The following GRM7 variants were observed in gnomAD, a reference collection of about 807,000 sequenced individuals.
GRM7 encodes glutamate metabotropic receptor 7.
A neutral mutation model predicts 84.5 loss-of-function variants in GRM7; 35 were observed. That is an observed-to-expected ratio of 0.41 (90% CI 0.32 to 0.55). The LOEUF is 0.55. Among genes scored for constraint, GRM7 ranks in the 20% least tolerant of loss-of-function variants. The pLI is 0.19. For synonymous variants in GRM7, 487 were observed against 455.1 expected, an observed-to-expected ratio of 1.07 and a Z score of -0.89; for missense variants, 1,003 against 1,194.6, an observed-to-expected ratio of 0.84 and a Z score of 2.36.
intron 4 of GRM7, among the ~76,000 whole-genome samples, chr3:7,413,658 G>A (rs1043951853): frequency 2.0e-5 from 3 of 152,064 alleles, no homozygotes; most frequent in Non-Finnish European, 4.4e-5. Flanking sequence ...TGATTGTTTT[G>A]CTCTTCTACC....
intron 8 of GRM7, among the ~76,000 whole-genome samples, chr3:7,666,961 A>G (rs1462459883): frequency 6.6e-6 from 1 of 152,136 alleles, no homozygotes; most frequent in Non-Finnish European, 1.5e-5. Flanking sequence ...TTGCACAGCG[A>G]ATGCCCTATT....
At chr3:7,380,762 C>A (rs1694557263) in intron 4 of GRM7, among the ~76,000 whole-genome samples, 1 of 152,214 alleles carries the variant, frequency 6.6e-6, no homozygotes, top group Non-Finnish European at 1.5e-5. Context: ...GTCCTCTGCA[C>A]TCTGCCAGGT....
intron 1 of GRM7, among the ~76,000 whole-genome samples, chr3:6,972,572 A>G (rs1323766974): frequency 2.0e-5 from 3 of 152,152 alleles, no homozygotes; most frequent in African/African-American, 7.2e-5. Flanking sequence ...CGAGATTTAG[A>G]TACTAATGTC....
chr3:7,191,893 T>C (rs775050535), intron 2 of GRM7, among the ~76,000 whole-genome samples: 3 of 152,106 alleles, frequency 2.0e-5, no homozygotes, highest in Non-Finnish European at 4.4e-5. Flanking sequence ...ATAAATTTTA[T>C]AAAACCTATC....
intron 9 of GRM7, among the ~76,000 whole-genome samples, chr3:7,699,208 A>C (rs1701130968): frequency 6.6e-6 from 1 of 152,212 alleles, no homozygotes; most frequent in South Asian, 2.1e-4. Flanking sequence ...GAAAGATTCT[A>C]CATCTAGGGA....
intron 7 of GRM7, among the ~76,000 whole-genome samples, chr3:7,515,846 A>C (rs2124983127): frequency 6.6e-6 from 1 of 152,236 alleles, no homozygotes; most frequent in East Asian, 1.9e-4. Flanking sequence ...GGCTGATATA[A>C]AAATGAAATG....
In GRM7 at chr3:7,711,584, C is replaced by T. The variant is rs150133767; in HGVS notation, c.2699-28773C>T. On this transcript the variant is annotated intron_variant, in intron 9 of 9. Transcript: ENST00000357716. ...GTAACATGACCTAAGCCACCTCTAA[C>T]TCCCGTTATAGCATTTCTCAAAGGC... Among the ~76,000 whole-genome samples, 409 of 152,320 alleles carry T rather than the reference C, an allele frequency of 2.7e-3. 3 individuals are homozygous for T. Among genetic ancestry groups the T allele is most frequent in the African/African-American group, 9.3e-3 (386 of 41,578 alleles).
At chr3:7,105,667 C>A (rs1434451331) in intron 1 of GRM7, among the ~76,000 whole-genome samples, 1 of 151,816 alleles carries the variant, frequency 6.6e-6, no homozygotes, top group Non-Finnish European at 1.5e-5. Context: ...TTACCATATT[C>A]ACTTTCCCTT....
intron 6 of GRM7, among the ~76,000 whole-genome samples, chr3:7,456,927 G>C (rs1287035462): frequency 6.6e-6 from 1 of 152,050 alleles, no homozygotes; most frequent in Non-Finnish European, 1.5e-5. Context: ...AAAAAAACTT[G>C]ACATGTTTTA....
chr3:6,898,341 G>A (rs1020394055), intron 1 of GRM7, among the ~76,000 whole-genome samples: 2 of 150,606 alleles, frequency 1.3e-5, no homozygotes, highest in Admixed American at 6.6e-5. Flanking sequence ...AGTAGGGATT[G>A]GTGAGAGACC....
intron 1 of GRM7, among the ~76,000 whole-genome samples, chr3:7,103,998 A>G (rs1420102509): frequency 1.3e-5 from 2 of 151,448 alleles, no homozygotes; most frequent in Non-Finnish European, 3.0e-5. Flanking sequence ...GTCCCCACCA[A>G]ATTTATATGT....
chr3:6,874,550 A>G (rs968031248), intron 1 of GRM7, among the ~76,000 whole-genome samples: 6 of 152,230 alleles, frequency 3.9e-5, no homozygotes, highest in African/African-American at 1.2e-4. Context: ...CCACTCGGGT[A>G]GGAAAAATTC....
intron 1 of GRM7, among the ~76,000 whole-genome samples, chr3:6,888,606 C>T (rs542658719): frequency 6.6e-6 from 1 of 151,994 alleles, no homozygotes; most frequent in Admixed American, 6.6e-5. Context: ...TGTTTTGGTA[C>T]CAGTACCATG....
At chr3:7,437,561 GTCT>G (rs1376474339) in intron 5 of GRM7, among the ~76,000 whole-genome samples, 2 of 151,882 alleles carry the variant, frequency 1.3e-5, no homozygotes, top group African/African-American at 4.8e-5. Flanking sequence ...TAAATTTATG[GTCT>G]TCTTCATTTC....
At chr3:7,499,796 A>G (rs1699825214) in intron 7 of GRM7, among the ~76,000 whole-genome samples, 1 of 141,362 alleles carries the variant, frequency 7.1e-6, no homozygotes, top group South Asian at 2.2e-4. Context: ...TTTTTTTGAG[A>G]TGGAGTCTTG....
rs951793713 is a variant in GRM7 at position 6,970,967 on chromosome 3, G to A, written c.519+109060G>A. On this transcript the variant is annotated intron_variant, in intron 1 of 9. Coordinates refer to ENST00000357716, the MANE Select transcript of GRM7 (RefSeq NM_000844.4). ...ACTACACTCCAGCCTGGGCCACAGA[G>A]CGAGACTCTGTCTCAAAAACAAACA... Among the ~76,000 whole-genome samples, 4 of 147,006 alleles carry A rather than the reference G, an allele frequency of 2.7e-5. No individual in the cohort carries two copies. The Admixed American group carries it at 2.8e-4, about 10-fold the overall frequency.
chr3:6,891,272 A>G (rs1695930680), intron 1 of GRM7, among the ~76,000 whole-genome samples: 1 of 152,170 alleles, frequency 6.6e-6, no homozygotes, highest in African/African-American at 2.4e-5. Flanking sequence ...TGATCCTGTC[A>G]TTATGATATT....
intron 1 of GRM7, among the ~76,000 whole-genome samples, chr3:7,009,290 G>T (rs1366113380): frequency 6.6e-6 from 1 of 152,092 alleles, no homozygotes; most frequent in East Asian, 1.9e-4. Flanking sequence ...CATGTACTGA[G>T]TATTTCTTGG....
intron 4 of GRM7, among the ~76,000 whole-genome samples, chr3:7,360,568 AT>A (rs1229242585): frequency 6.6e-6 from 1 of 152,106 alleles, no homozygotes; most frequent in Non-Finnish European, 1.5e-5. Flanking sequence ...TTTATTATTC[AT>A]TTATCAGCTT....
Sources: gnomAD v4.1 joint callset for allele counts (sites outside exome capture counted in the v4.1 genomes callset) on GRCh38, gnomAD v4.1.1 for gene constraint, MANE v1.5 for transcripts, NCBI Gene and HGNC (gene_info 2026-07-23, HGNC 2026-07-21) for gene names.